The following TFCP2 variants were observed in gnomAD, a reference collection of about 807,000 sequenced individuals.
TFCP2 encodes the protein alpha-globin transcription factor CP2.
TFCP2 carries 33 observed loss-of-function variants against 73.4 expected under a neutral mutation model. That is an observed-to-expected ratio of 0.45 (90% confidence interval 0.34 to 0.60). The LOEUF is 0.60. Among genes scored for constraint, TFCP2 ranks in the 20% least tolerant of loss-of-function variants. TFCP2 has a pLI of 0.01. For synonymous variants in TFCP2, 193 were observed against 211.6 expected (o/e 0.91, Z 0.76); for missense variants, 352 against 604.0 (o/e 0.58, Z 4.37).
intron 1 of TFCP2, among the ~76,000 whole-genome samples, chr12:51,152,312 C>T (rs1371315073): frequency 6.6e-6 from 1 of 152,062 alleles, no homozygotes; most frequent in Non-Finnish European, 1.5e-5. Flanking sequence ...AATAACTACC[C>T]TGCACTTATC....
chr12:51,120,215 A>C (rs1940628649), intron 1 of TFCP2, among the ~76,000 whole-genome samples: 1 of 149,722 alleles, frequency 6.7e-6, no homozygotes, highest in African/African-American at 2.5e-5. Flanking sequence ...CAACAACAAC[A>C]ACAAAAAAAT....
chr12:51,163,908 T>C (rs1052476007), intron 1 of TFCP2, among the ~76,000 whole-genome samples: 2 of 149,298 alleles, frequency 1.3e-5, no homozygotes, highest in African/African-American at 5.0e-5. Flanking sequence ...ATAAGTGAAA[T>C]AAAGAATAAA....
intron 6 of TFCP2, among the ~76,000 whole-genome samples, chr12:51,107,801 T>C (rs908973446): frequency 3.3e-5 from 5 of 151,892 alleles, no homozygotes; most frequent in Admixed American, 6.6e-5. Flanking sequence ...AGACGGGGTT[T>C]CACCATTTTG....
At chr12:51,106,647 G>T in intron 7 of TFCP2, 34 bp from the exon 8 acceptor site, 1 of 1,552,508 alleles carries the variant, frequency 6.4e-7, no homozygotes, top group Non-Finnish European at 8.9e-7. Context: ...TAATGAACGA[G>T]CACATATGAC....
intron 1 of TFCP2, among the ~76,000 whole-genome samples, chr12:51,155,043 G>A (rs908510104): frequency 2.6e-5 from 4 of 152,146 alleles, no homozygotes; most frequent in African/African-American, 9.7e-5. Context: ...TAAAGGGCTG[G>A]GTGCCCAGAT....
chr12:51,153,141 G>A (rs1941464293), intron 1 of TFCP2, among the ~76,000 whole-genome samples: 1 of 152,198 alleles, frequency 6.6e-6, no homozygotes, highest in Non-Finnish European at 1.5e-5. Flanking sequence ...ACTTTGGCAG[G>A]CCAAGGCAGG....
chr12:51,101,100 G>A (rs1358754090), intron 11 of TFCP2, among the ~76,000 whole-genome samples: 15 of 152,040 alleles, frequency 9.9e-5, no homozygotes, highest in African/African-American at 3.4e-4. Flanking sequence ...TCAGGAGATC[G>A]AGACCATCCT....
chr12:51,112,834 T>C (rs1940435463), intron 4 of TFCP2, among the ~76,000 whole-genome samples: 1 of 140,948 alleles, frequency 7.1e-6, no homozygotes, highest in South Asian at 2.2e-4. Context: ...GCCATTGTAC[T>C]CCAGCCTGGA....
Position 51,097,123 on chromosome 12 carries a change from C to A in TFCP2, c.1420-1083G>T, listed in dbSNP as rs145367687. Among the ~76,000 whole-genome samples the A allele has an allele frequency of 2.1e-3, 323 of 152,110 alleles. 1 individual carries two copies. Among genetic ancestry groups the A allele is most frequent in the African/African-American group, 7.2e-3 (298 of 41,504 alleles). On this transcript the variant is annotated intron_variant, in intron 13 of 14. Transcript: ENST00000257915. ...GATTATAGGCACGTGCCACCACACC[C>A]GGCTAATTTTGTATTTTAGTAGAGA... is the stretch of plus-strand genomic sequence containing the variant.
intron 1 of TFCP2, among the ~76,000 whole-genome samples, chr12:51,136,785 A>C (rs1327358869): frequency 6.6e-6 from 1 of 152,122 alleles, no homozygotes; most frequent in Non-Finnish European, 1.5e-5. Flanking sequence ...AAAGTATAAA[A>C]AATAATTAGC....
intron 3 of TFCP2, among the ~76,000 whole-genome samples, chr12:51,117,007 T>A (rs1419012414): frequency 1.3e-5 from 2 of 152,168 alleles, no homozygotes. Flanking sequence ...AATAAAGTAC[T>A]CCTGTCTGAA....
At chr12:51,151,882 T>C (rs955825658) in intron 1 of TFCP2, among the ~76,000 whole-genome samples, 7 of 152,052 alleles carry the variant, frequency 4.6e-5, no homozygotes, top group African/African-American at 1.7e-4. Flanking sequence ...TCTACATTGA[T>C]AAAAAATAAT....
intron 1 of TFCP2, among the ~76,000 whole-genome samples, chr12:51,149,742 G>C (rs1009106692): frequency 6.6e-6 from 1 of 152,046 alleles, no homozygotes; most frequent in African/African-American, 2.4e-5. Flanking sequence ...TGGGACTACA[G>C]GCATGCATCA....
intron 1 of TFCP2, among the ~76,000 whole-genome samples, chr12:51,138,590 C>A (rs1941116105): frequency 6.6e-6 from 1 of 152,094 alleles, no homozygotes; most frequent in African/African-American, 2.4e-5. Flanking sequence ...AGTGATAGGA[C>A]TTACGAACAT....
chr12:51,101,965 C>G lies in TFCP2; in HGVS notation c.1121G>C (p.Gly374Ala). ...TTTTAATGCATTAAAAAGTCTGATT[C>G]CATCTGCAGGGCCACAGATTTGGAT... ...DVIQICGPAD[G>A]IRLFNALKGR... The change falls in exon 11 of 15, where the codon GGA becomes GCA. Residue 374 changes from glycine (G) to alanine (A), a missense_variant. Coordinates refer to ENST00000257915, the MANE Select transcript of TFCP2 (RefSeq NM_005653.5). The G allele has an allele frequency of 5.0e-6, 8 of 1,613,150 alleles. No individual in the cohort carries two copies. The highest frequency in any genetic ancestry group is 6.8e-6 in the Non-Finnish European group (8 of 1,179,282).
At chr12:51,128,209 A>G (rs930211918) in intron 1 of TFCP2, among the ~76,000 whole-genome samples, 7 of 152,048 alleles carry the variant, frequency 4.6e-5, no homozygotes, top group African/African-American at 1.7e-4. Flanking sequence ...ATGAGCCACC[A>G]TGCCCAGCCT....
intron 1 of TFCP2, among the ~76,000 whole-genome samples, chr12:51,122,436 T>A (rs1308143512): frequency 1.3e-5 from 2 of 151,818 alleles, no homozygotes; most frequent in African/African-American, 4.8e-5. Flanking sequence ...TTTTTATATT[T>A]TTAGTAGAGA....
At chr12:51,134,883 A>G (rs1941027121) in intron 1 of TFCP2, among the ~76,000 whole-genome samples, 1 of 152,020 alleles carries the variant, frequency 6.6e-6, no homozygotes, top group Admixed American at 6.5e-5. Context: ...CCAAGGCAGG[A>G]GGATCACTTG....
At chr12:51,119,810 C>A (rs796454549) in intron 1 of TFCP2, among the ~76,000 whole-genome samples, 45 of 152,076 alleles carry the variant, frequency 3.0e-4, no homozygotes, top group African/African-American at 9.9e-4. Context: ...ATTGACCCAG[C>A]AATTCCACCC....
Sources: gnomAD v4.1 joint callset for allele counts (sites outside exome capture counted in the v4.1 genomes callset) on GRCh38, gnomAD v4.1.1 for gene constraint, MANE v1.5 for transcripts, NCBI Gene and HGNC (gene_info 2026-07-23, HGNC 2026-07-21) for gene names.